The following DTNBP1 variants were observed in gnomAD, a reference collection of about 807,000 sequenced individuals.
DTNBP1 encodes dysbindin.
Under a neutral mutation model 42.8 loss-of-function variants are expected in DTNBP1, and 35 were observed. The ratio of observed to expected loss-of-function variants is 0.82; its 90% CI spans 0.63 to 1.09. The LOEUF (loss-of-function observed/expected upper bound fraction) is 1.09, where lower values mean the gene tolerates loss of function less well. DTNBP1 is among the 50% of genes least tolerant of loss of function. The probability of loss-of-function intolerance (pLI) is 0.00; values close to 1 mark genes in which losing one functional copy is unlikely to be tolerated. For synonymous variants in DTNBP1, 171 were observed against 162.2 expected (o/e 1.05, Z -0.41); for missense variants, 457 against 424.2 (o/e 1.08, Z -0.68).
intron 8 of DTNBP1, among the ~76,000 whole-genome samples, chr6:15,530,344 C>T (rs1772732593): frequency 6.6e-6 from 1 of 152,176 alleles, no homozygotes; most frequent in Non-Finnish European, 1.5e-5. Context: ...AGCTAAAAAG[C>T]CCAGGGCCGC....
chr6:15,660,303 TCA>T, intron 1 of DTNBP1: 7 of 1,250,378 alleles, frequency 5.6e-6, no homozygotes, highest in Non-Finnish European at 7.3e-6. Flanking sequence ...GCAAAAATAA[TCA>T]GTTATGTAAA....
chr6:15,659,107 T>G (rs1344431672), intron 1 of DTNBP1, among the ~76,000 whole-genome samples: 3 of 152,242 alleles, frequency 2.0e-5, no homozygotes, highest in African/African-American at 7.2e-5. Flanking sequence ...CTGCACTTTT[T>G]CAAAGTTTGA....
intron 5 of DTNBP1, among the ~76,000 whole-genome samples, chr6:15,623,580 A>G (rs1248726629): frequency 6.6e-6 from 1 of 152,132 alleles, no homozygotes; most frequent in Non-Finnish European, 1.5e-5. Flanking sequence ...TAAAACAAAA[A>G]CAAAACCCAG....
chr6:15,586,922 T>C (rs536537983), intron 7 of DTNBP1, among the ~76,000 whole-genome samples: 1 of 152,368 alleles, frequency 6.6e-6, no homozygotes, highest in African/African-American at 2.4e-5. Context: ...CAACTAGCTC[T>C]CTTCTCGTGC....
In DTNBP1 at chr6:15,523,016, T is replaced by C. The variant is rs1426693650; in HGVS notation, c.1015A>G (p.Arg339Gly). ...TCACCACCATCCGGAGTGGCCTCTC[T>C]GTCAGTGTGTGATGTGGCCAGGGCA... ...DTALATSHTD[R>G]EATPDGGEDS... is the part of the protein sequence containing the mutation. The change falls in exon 10 of 10, where the codon AGA becomes GGA. Residue 339 changes from arginine to glycine, a missense_variant. Coordinates refer to ENST00000344537, the MANE Select transcript of DTNBP1 (RefSeq NM_032122.5). 2 of 1,614,222 alleles carry C rather than the reference T, an allele frequency of 1.2e-6. No homozygotes were observed. The highest frequency in any genetic ancestry group is 1.7e-5 in the Admixed American group (1 of 60,022).
chr6:15,613,877 T>A lies in DTNBP1; in HGVS notation c.488+1390A>T, dbSNP rs114467061. On this transcript the variant is annotated intron_variant, in intron 6 of 9. Transcript: ENST00000344537. ...CCCTGCCTGGCAGTCTCTCAAACTA[T>A]GGTCCACAGGCCACCCATATCAGAA... Among the ~76,000 whole-genome samples the A allele has an allele frequency of 4.5e-3, 680 of 152,264 alleles. 7 individuals carry two copies. Among genetic ancestry groups the A allele is most frequent in the African/African-American group, 0.015 (626 of 41,548 alleles).
At chr6:15,530,652 T>C (rs1321405997) in intron 8 of DTNBP1, among the ~76,000 whole-genome samples, 3 of 152,042 alleles carry the variant, frequency 2.0e-5, no homozygotes, top group Non-Finnish European at 2.9e-5. Flanking sequence ...ACGCGTCTAC[T>C]ACTTCATCAT....
intron 7 of DTNBP1, among the ~76,000 whole-genome samples, chr6:15,591,739 A>G (rs1489857734): frequency 6.6e-6 from 1 of 152,196 alleles, no homozygotes. Flanking sequence ...AGTAAAACTG[A>G]CATTTTACAT....
chr6:15,614,799 G>A (rs1758623213), intron 6 of DTNBP1, among the ~76,000 whole-genome samples: 1 of 152,184 alleles, frequency 6.6e-6, no homozygotes, highest in Non-Finnish European at 1.5e-5. Flanking sequence ...CAGTGACATT[G>A]AGGCCAAGAG....
chr6:15,576,653 T>C (rs1325052414), intron 7 of DTNBP1, among the ~76,000 whole-genome samples: 2 of 150,950 alleles, frequency 1.3e-5, no homozygotes, highest in Non-Finnish European at 2.9e-5. Flanking sequence ...CCTGTAATTC[T>C]AGCTACTCAG....
At chr6:15,564,157 A>G (rs2113490407) in intron 7 of DTNBP1, among the ~76,000 whole-genome samples, 1 of 152,076 alleles carries the variant, frequency 6.6e-6, no homozygotes, top group East Asian at 1.9e-4. Context: ...CGGCTCCACA[A>G]GTAAACCTTT....
intron 5 of DTNBP1, among the ~76,000 whole-genome samples, chr6:15,617,192 A>G (rs916014149): frequency 2.0e-5 from 3 of 152,120 alleles, no homozygotes; most frequent in African/African-American, 7.2e-5. Flanking sequence ...TCTACAAGAC[A>G]AAGTATAAAA....
chr6:15,628,126 C>T (rs1280880121), intron 4 of DTNBP1, among the ~76,000 whole-genome samples: 5 of 152,044 alleles, frequency 3.3e-5, no homozygotes, highest in Non-Finnish European at 5.9e-5. Flanking sequence ...ACTTCTTTTG[C>T]TAAAGACTAT....
At chr6:15,654,050 T>C in intron 1 of DTNBP1, among the ~76,000 whole-genome samples, 1 of 152,192 alleles carries the variant, frequency 6.6e-6, no homozygotes, top group South Asian at 2.1e-4. Flanking sequence ...CAAATTAGAA[T>C]GCCAATGTCA....
intron 5 of DTNBP1, among the ~76,000 whole-genome samples, chr6:15,618,523 C>T (rs890994327): frequency 1.3e-5 from 2 of 148,556 alleles, no homozygotes; most frequent in Non-Finnish European, 3.0e-5. Flanking sequence ...CCCCTTACCC[C>T]CTAAAACTAA....
intron 5 of DTNBP1, among the ~76,000 whole-genome samples, chr6:15,626,621 A>G (rs1307575420): frequency 1.3e-5 from 2 of 152,360 alleles, no homozygotes; most frequent in African/African-American, 2.4e-5. Context: ...ATCATCAAAC[A>G]TAAAAGATAA....
chr6:15,585,320 C>G (rs1052219841), intron 7 of DTNBP1, among the ~76,000 whole-genome samples: 3 of 150,946 alleles, frequency 2.0e-5, no homozygotes, highest in Admixed American at 2.0e-4. Flanking sequence ...GCTGTACCAG[C>G]CTCATTATTC....
intron 4 of DTNBP1, among the ~76,000 whole-genome samples, chr6:15,628,614 C>T (rs1167791699): frequency 1.3e-5 from 2 of 151,868 alleles, no homozygotes; most frequent in African/African-American, 2.4e-5. Flanking sequence ...ACCAAGTTGG[C>T]CAGGCTGGTT....
At chr6:15,576,592 G>C (rs1775583098) in intron 7 of DTNBP1, among the ~76,000 whole-genome samples, 1 of 151,850 alleles carries the variant, frequency 6.6e-6, no homozygotes, top group Non-Finnish European at 1.5e-5. Flanking sequence ...CCTGGCCAAA[G>C]TGGCAAAAAC....
Sources: gnomAD v4.1 joint callset for allele counts (sites outside exome capture counted in the v4.1 genomes callset) on GRCh38, gnomAD v4.1.1 for gene constraint, MANE v1.5 for transcripts, NCBI Gene and HGNC (gene_info 2026-07-23, HGNC 2026-07-21) for gene names.